Variants in CFAP36 observed in about 807,000 individuals in gnomAD.
The protein encoded by CFAP36 is cilia- and flagella-associated protein 36.
A neutral mutation model predicts 50.5 loss-of-function variants in CFAP36; 37 were observed. That is an observed-to-expected ratio of 0.73 (90% CI 0.56 to 0.96). The LOEUF (loss-of-function observed/expected upper bound fraction) is 0.96. CFAP36 is among the 50% of genes least tolerant of loss of function. CFAP36 has a pLI of 0.00. For missense variants in CFAP36, 407 were observed against 396.2 expected (o/e 1.03, Z -0.23); for synonymous variants, 138 against 128.2 (o/e 1.08, Z -0.52).
intron 3 of CFAP36, among the ~76,000 whole-genome samples, chr2:55,526,904 T>C (rs920269584): frequency 6.6e-6 from 1 of 152,214 alleles, no homozygotes; most frequent in Non-Finnish European, 1.5e-5. Context: ...GACACGCTGC[T>C]GTAGTCCTAG....
chr2:55,533,782 A>C (rs750531851), intron 4 of CFAP36, 91 bp from the exon 5 acceptor site: 7 of 589,474 alleles, frequency 1.2e-5, no homozygotes, highest in Non-Finnish European at 2.1e-5. Context: ...ATAGATCTGA[A>C]GGTAACTTGT....
At chr2:55,523,479 T>C (rs1380927218) in intron 2 of CFAP36, among the ~76,000 whole-genome samples, 1 of 152,128 alleles carries the variant, frequency 6.6e-6, no homozygotes, top group Non-Finnish European at 1.5e-5. Flanking sequence ...TTGTACCACA[T>C]TGAACTTCAT....
At chr2:55,542,631 G>A (rs544304667) in intron 7 of CFAP36, among the ~76,000 whole-genome samples, 12 of 152,148 alleles carry the variant, frequency 7.9e-5, no homozygotes, top group African/African-American at 2.9e-4. Flanking sequence ...GAGAATATAC[G>A]TATGTTCATA....
At position 55,537,574 on chromosome 2, in the gene CFAP36, A is replaced by G. The variant is rs1246490161; in HGVS notation, c.629A>G (p.His210Arg). Residue 210 changes from histidine to arginine, a missense_variant, in exon 7 of 10, where the codon CAC becomes CGC. Coordinates refer to ENST00000349456, the MANE Select transcript of CFAP36 (RefSeq NM_080667.7). ...CAAGGGGATGGTGAACATTTTGCAC[A>G]CCCACCCTCAGGTAAGGTTGAGGTG... ...NSQGDGEHFA[H>R]PPSEVKMHFA... 4.3e-6 allele frequency: 7 copies of G among 1,610,518 alleles called. No homozygotes were observed. The Admixed American group carries it at 5.0e-5, about 12-fold the overall frequency.
intron 1 of CFAP36, 50 bp from the exon 2 acceptor site, chr2:55,522,052 A>G: frequency 1.1e-6 from 1 of 934,790 alleles, no homozygotes; most frequent in Non-Finnish European, 1.7e-6. Context: ...AATTTGCATT[A>G]ATAAAATGAT....
At chr2:55,531,729 C>T (rs1284729590) in intron 4 of CFAP36, among the ~76,000 whole-genome samples, 1 of 152,140 alleles carries the variant, frequency 6.6e-6, no homozygotes, top group Non-Finnish European at 1.5e-5. Flanking sequence ...CAGTTTTTCC[C>T]TCAGGTCCTA....
At chr2:55,534,105 G>C (rs543599781) in intron 5 of CFAP36, 145 bp downstream of exon 5, 4 of 496,114 alleles carry the variant, frequency 8.1e-6, no homozygotes, top group African/African-American at 3.9e-5. Flanking sequence ...ATTTATGACT[G>C]TGGATATATT....
At chr2:55,542,919 T>C (rs376322390) in intron 7 of CFAP36, among the ~76,000 whole-genome samples, 5 of 152,352 alleles carry the variant, frequency 3.3e-5, no homozygotes, top group African/African-American at 1.2e-4. Context: ...ATTTCCCTTA[T>C]TGTCCAAGGG....
intron 1 of CFAP36, among the ~76,000 whole-genome samples, chr2:55,520,709 C>A (rs1437481790): frequency 6.6e-6 from 1 of 152,092 alleles, no homozygotes; most frequent in East Asian, 1.9e-4. Flanking sequence ...AGTGCCCAAG[C>A]GTTATTGTGG....
chr2:55,519,966 G>C, intron 1 of CFAP36, 50 bp downstream of exon 1: 1 of 1,560,556 alleles, frequency 6.4e-7, no homozygotes, highest in Non-Finnish European at 8.8e-7. Context: ...TCTCACACCA[G>C]CGGCGGGCAG....
intron 5 of CFAP36, among the ~76,000 whole-genome samples, chr2:55,534,797 T>C (rs778809195): frequency 4.6e-5 from 7 of 152,178 alleles, no homozygotes; most frequent in Non-Finnish European, 8.8e-5. Flanking sequence ...TTAGGTACTT[T>C]GTCCCACCTC....
Position 55,529,002 on chromosome 2 carries a change from T to C in CFAP36, c.397+10T>C, listed in dbSNP as rs369347273. On this transcript the variant is annotated intron_variant, in intron 4 of 9. Transcript: ENST00000349456. ...ATTCAAGAGAGAAATGGTAAAATGT[T>C]GAAGTTAGAAATCTAAGTACTAAAT... 3.1e-4 allele frequency: 499 copies of C among 1,585,524 alleles called. No homozygotes were observed. The highest frequency in any genetic ancestry group is 4.0e-4 in the Non-Finnish European group (468 of 1,161,666).
At chr2:55,537,994 T>G (rs1414274880) in intron 7 of CFAP36, among the ~76,000 whole-genome samples, 1 of 152,238 alleles carries the variant, frequency 6.6e-6, no homozygotes, top group East Asian at 1.9e-4. Flanking sequence ...TAAGTACAGC[T>G]AGAAAATAAG....
At chr2:55,536,366 C>T (rs377344594) in intron 6 of CFAP36, among the ~76,000 whole-genome samples, 8 of 152,094 alleles carry the variant, frequency 5.3e-5, no homozygotes, top group African/African-American at 1.4e-4. Flanking sequence ...CTCCTGACCT[C>T]GTGATCTGCC....
chr2:55,520,067 C>T, intron 1 of CFAP36, 151 bp downstream of exon 1: 1 of 692,844 alleles, frequency 1.4e-6, no homozygotes, highest in Middle Eastern at 2.6e-4. Flanking sequence ...ACCTTCTCCA[C>T]CCGCGTCATC....
At chr2:55,540,619 C>T (rs1246950282) in intron 7 of CFAP36, among the ~76,000 whole-genome samples, 2 of 152,088 alleles carry the variant, frequency 1.3e-5, no homozygotes, top group African/African-American at 4.8e-5. Context: ...TTGTCAGTAT[C>T]CACAAAATAA....
chr2:55,542,482 A>G (rs553628948), intron 7 of CFAP36, among the ~76,000 whole-genome samples: 2 of 152,274 alleles, frequency 1.3e-5, no homozygotes, highest in African/African-American at 4.8e-5. Context: ...CCAGCAATGG[A>G]TAGTGTCTTT....
At chr2:55,522,519 C>G (rs1684098227) in intron 2 of CFAP36, among the ~76,000 whole-genome samples, 1 of 152,176 alleles carries the variant, frequency 6.6e-6, no homozygotes, top group South Asian at 2.1e-4. Context: ...GGGTCTTGCT[C>G]TGTCACCCAG....
Position 55,543,968 on chromosome 2 carries a change from T to C in CFAP36, c.671T>C (p.Ile224Thr), listed in dbSNP as rs1344052849. Residue 224 changes from isoleucine (I) to threonine (T), a missense_variant, in exon 8 of 10, where the codon ATA (isoleucine) becomes ACA (threonine). Transcript: ENST00000349456. ...EVKMHFANQS[I>T]EPLGRKVERS... Reference sequence around the variant, plus strand: ...AAAATGCATTTTGCTAATCAGTCAATAGAACCTTTGGGAAGAAAAGTGGAA... The same window carrying C: ...AAAATGCATTTTGCTAATCAGTCAACAGAACCTTTGGGAAGAAAAGTGGAA... The C allele has an allele frequency of 5.0e-6, 8 of 1,613,784 alleles. No individual in the cohort carries two copies. Among genetic ancestry groups the C allele is most frequent in the South Asian group, 3.3e-5 (3 of 91,050 alleles).
Sources: gnomAD v4.1 joint callset for allele counts (sites outside exome capture counted in the v4.1 genomes callset) on GRCh38, gnomAD v4.1.1 for gene constraint, MANE v1.5 for transcripts, NCBI Gene and HGNC (gene_info 2026-07-23, HGNC 2026-07-21) for gene names.